PDE10A: variants seen among roughly 807,000 people sequenced by gnomAD.
The protein encoded by PDE10A is phosphodiesterase 10A, also known as cAMP and cAMP-inhibited cGMP 3',5'-cyclic phosphodiesterase 10A.
PDE10A carries 39 observed loss-of-function variants against 97.7 expected under a neutral mutation model. The observed-to-expected ratio is 0.40, with a 90% CI of 0.31 to 0.52. The LOEUF (loss-of-function observed/expected upper bound fraction) is 0.52, where lower values mean the gene tolerates loss of function less well. PDE10A is among the 20% of genes least tolerant of loss of function. The pLI, the probability that PDE10A is intolerant of heterozygous loss-of-function variation, is 0.56. For missense variants in PDE10A, 731 were observed against 1,047.8 expected, an observed-to-expected ratio of 0.70 and a Z score of 4.17; for synonymous variants, 371 against 376.8, an observed-to-expected ratio of 0.98 and a Z score of 0.18.
intron 2 of PDE10A, among the ~76,000 whole-genome samples, chr6:165,507,836 T>G (rs1289142121): frequency 6.6e-6 from 1 of 152,028 alleles, no homozygotes; most frequent in East Asian, 1.9e-4. Context: ...TTTTAAAGTC[T>G]TATCAAGAAA....
intron 1 of PDE10A, among the ~76,000 whole-genome samples, chr6:165,611,518 G>T (rs1787493859): frequency 6.6e-6 from 1 of 152,244 alleles, no homozygotes; most frequent in Non-Finnish European, 1.5e-5. Flanking sequence ...CAAGATCTGA[G>T]GCTGTGCCCA....
intron 1 of PDE10A, among the ~76,000 whole-genome samples, chr6:165,776,103 A>G (rs1778173621): frequency 6.6e-6 from 1 of 152,090 alleles, no homozygotes; most frequent in Non-Finnish European, 1.5e-5. Context: ...ATTTGATGAG[A>G]AAAAAAATAG....
At chr6:165,438,467 C>G (rs1461180594) in intron 5 of PDE10A, among the ~76,000 whole-genome samples, 1 of 152,186 alleles carries the variant, frequency 6.6e-6, no homozygotes, top group Non-Finnish European at 1.5e-5. Flanking sequence ...GGATTACAGG[C>G]GTGAGCCACT....
At chr6:165,764,618 G>A (rs1777764167) in intron 1 of PDE10A, among the ~76,000 whole-genome samples, 1 of 152,144 alleles carries the variant, frequency 6.6e-6, no homozygotes, top group Non-Finnish European at 1.5e-5. Flanking sequence ...TTCGCAGTGA[G>A]TGTTAACAGC....
At chr6:165,493,022 A>G (rs539237434) in intron 2 of PDE10A, among the ~76,000 whole-genome samples, 6 of 152,212 alleles carry the variant, frequency 3.9e-5, no homozygotes, top group Non-Finnish European at 8.8e-5. Context: ...ACAAATAAGT[A>G]GCCCTGCTAT....
chr6:165,892,228 G>C (rs763381651), intron 1 of PDE10A, among the ~76,000 whole-genome samples: 1 of 152,224 alleles, frequency 6.6e-6, no homozygotes, highest in Non-Finnish European at 1.5e-5. Flanking sequence ...GTGCAAAGCA[G>C]GAGCCTTCCT....
intron 2 of PDE10A, among the ~76,000 whole-genome samples, chr6:165,516,462 CCT>C (rs1289968194): frequency 4.6e-5 from 7 of 152,104 alleles, no homozygotes; most frequent in Non-Finnish European, 1.0e-4. Context: ...CTCTCCTGCC[CCT>C]GTTTTTATGG....
intron 1 of PDE10A, among the ~76,000 whole-genome samples, chr6:165,962,592 T>C (rs953760891): frequency 3.3e-5 from 5 of 152,224 alleles, no homozygotes; most frequent in African/African-American, 1.2e-4. Flanking sequence ...GACCACGTGC[T>C]GTGGAATGTC....
intron 1 of PDE10A, among the ~76,000 whole-genome samples, chr6:165,561,079 C>T (rs180776350): frequency 0.012 from 1,897 of 151,946 alleles, 16 homozygotes; most frequent in Non-Finnish European, 0.02. Context: ...ATTAGCCAGG[C>T]GTGGTGGCGG....
chr6:165,523,150 C>T (rs1782231087), intron 2 of PDE10A, among the ~76,000 whole-genome samples: 1 of 152,040 alleles, frequency 6.6e-6, no homozygotes, highest in South Asian at 2.1e-4. Flanking sequence ...AAATTCTATG[C>T]TTATGAATTG....
At chr6:165,805,338 G>A (rs1161828250) in intron 1 of PDE10A, among the ~76,000 whole-genome samples, 1 of 152,136 alleles carries the variant, frequency 6.6e-6, no homozygotes, top group African/African-American at 2.4e-5. Flanking sequence ...GATCCGGGGC[G>A]TCACTTCTCT....
intron 1 of PDE10A, among the ~76,000 whole-genome samples, chr6:165,691,591 G>GCACA (rs965998795): frequency 0.026 from 1,333 of 51,642 alleles, 19 homozygotes; most frequent in East Asian, 0.13. Flanking sequence ...GCACGCGCGC[G>GCACA]CACACACACA....
chr6:165,664,129 C>G (rs1045803613), upstream of PDE10A, among the ~76,000 whole-genome samples: 1 of 152,112 alleles, frequency 6.6e-6, no homozygotes, highest in Non-Finnish European at 1.5e-5. Flanking sequence ...AGCACACGCG[C>G]CAAAGCTCAG....
intron 3 of PDE10A, among the ~76,000 whole-genome samples, chr6:165,473,184 T>C (rs186375235): frequency 9.2e-5 from 14 of 152,322 alleles, no homozygotes; most frequent in Admixed American, 6.5e-4. Flanking sequence ...GCTTATAGCA[T>C]AGTAAAAAAC....
At chr6:165,415,131 T>C (rs1277999337) in intron 12 of PDE10A, among the ~76,000 whole-genome samples, 2 of 152,234 alleles carry the variant, frequency 1.3e-5, no homozygotes, top group Non-Finnish European at 2.9e-5. Flanking sequence ...ATTTTCTTAA[T>C]AGTCTGACTC....
chr6:165,576,230 A>AG (rs2128349796), intron 1 of PDE10A, among the ~76,000 whole-genome samples: 1 of 152,330 alleles, frequency 6.6e-6, no homozygotes, highest in Admixed American at 6.5e-5. Flanking sequence ...ATGATACTGT[A>AG]GGGGGCTTGA....
intron 1 of PDE10A, among the ~76,000 whole-genome samples, chr6:165,823,717 T>C (rs1009836654): frequency 6.6e-6 from 1 of 151,744 alleles, no homozygotes; most frequent in African/African-American, 2.4e-5. Flanking sequence ...GCATCACAGT[T>C]GGTTTGTTTA....
intron 1 of PDE10A, among the ~76,000 whole-genome samples, chr6:165,725,593 AG>A (rs1326906000): frequency 1.3e-5 from 2 of 152,038 alleles, no homozygotes; most frequent in South Asian, 2.1e-4. Context: ...AGAATAGGGG[AG>A]GCCCGTGGAG....
Position 165,819,885 on chromosome 6 carries a change from C to T in PDE10A, c.-615+167644G>A, listed in dbSNP as rs1779521201. Among the ~76,000 whole-genome samples the T allele has an allele frequency of 6.6e-6, 1 of 152,122 alleles. No homozygotes were observed. The highest frequency in any genetic ancestry group is 1.5e-5 in the Non-Finnish European group (1 of 68,038). On this transcript the variant is annotated intron_variant, in intron 1 of 19. Coordinates refer to the PDE10A transcript ENST00000366882. This position sits in a 1 kb window ranked among gnomAD's most constrained non-coding sequence, Gnocchi z 4.2. ...CTACATTGTTGAATGTTATTCAGCT[C>T]TGTTTGTATGTAATAATCAGTGGTT...
Sources: allele counts gnomAD v4.1 joint callset (sites outside exome capture counted in the v4.1 genomes callset), GRCh38; gene constraint gnomAD v4.1.1; non-coding constraint Gnocchi (gnomAD v3.1); transcripts MANE v1.5; gene names NCBI Gene and HGNC (gene_info 2026-07-23, HGNC 2026-07-21).